AXL: variants seen among roughly 807,000 people sequenced by gnomAD.
The protein encoded by AXL is tyrosine-protein kinase receptor UFO.
In AXL, 52 loss-of-function variants were observed where a neutral mutation model predicts 104.5. The ratio of observed to expected loss-of-function variants is 0.50; its 90% CI spans 0.40 to 0.63. The LOEUF (loss-of-function observed/expected upper bound fraction) is 0.63. AXL is among the 20% of genes least tolerant of loss of function. The pLI is 0.00. For missense variants in AXL, 1,024 were observed against 1,188.5 expected (o/e 0.86, Z 2.04); for synonymous variants, 455 against 473.7 (o/e 0.96, Z 0.51).
intron 14 of AXL, among the ~76,000 whole-genome samples, chr19:41,249,870 C>A (rs943480057): frequency 6.6e-6 from 1 of 152,156 alleles, no homozygotes; most frequent in East Asian, 1.9e-4. Context: ...TTTCTCCCCG[C>A]TACCTGCCAG....
chr19:41,254,514 C>T (rs879281320), intron 17 of AXL, among the ~76,000 whole-genome samples: 1 of 150,220 alleles, frequency 6.7e-6, no homozygotes, highest in Non-Finnish European at 1.5e-5. Context: ...CAACGAGACA[C>T]CATCTCAAAA....
At chr19:41,228,074 C>A (rs1190290205) in intron 4 of AXL, among the ~76,000 whole-genome samples, 1 of 152,008 alleles carries the variant, frequency 6.6e-6, no homozygotes, top group Non-Finnish European at 1.5e-5. Flanking sequence ...AAAAGTGAAA[C>A]CTCGGATAAA....
intron 4 of AXL, among the ~76,000 whole-genome samples, chr19:41,230,053 A>G (rs1226239024): frequency 6.6e-6 from 1 of 151,268 alleles, no homozygotes; most frequent in African/African-American, 2.4e-5. Context: ...GAGCACGTGT[A>G]TTTCTGTGTG....
intron 10 of AXL, among the ~76,000 whole-genome samples, chr19:41,240,067 A>G (rs2034155068): frequency 6.6e-6 from 1 of 151,344 alleles, no homozygotes; most frequent in Non-Finnish European, 1.5e-5. Flanking sequence ...GGATAAATGG[A>G]TGGGTAGATG....
In AXL at chr19:41,243,112, T is replaced by C. The variant is rs1319629086; in HGVS notation, c.1445+97T>C. ...AGGCTGGTGCAGGAGGAGTGATGACTAAGAATCAGAATGAGGGCAAGGGAA... is the reference window on the plus strand; with the variant it reads ...AGGCTGGTGCAGGAGGAGTGATGACCAAGAATCAGAATGAGGGCAAGGGAA... On this transcript the variant is annotated intron_variant, in intron 11 of 19. Transcript: ENST00000301178. The C allele has an allele frequency of 2.6e-6, 4 of 1,553,204 alleles. No individual in the cohort carries two copies. The African/African-American group carries it at 5.4e-5, about 21-fold the overall frequency.
chr19:41,226,919 C>A, intron 4 of AXL: 1 of 445,800 alleles, frequency 2.2e-6, no homozygotes, highest in Non-Finnish European at 3.0e-6. Flanking sequence ...CGTGGTGAGA[C>A]TCTCCTCTTC....
At position 41,256,443 on chromosome 19, in the gene AXL, T is replaced by A. The variant is rs770299165; in HGVS notation, c.2037-9T>A. 28 of 1,608,770 alleles carry A rather than the reference T, an allele frequency of 1.7e-5. No homozygotes were observed. Among genetic ancestry groups the A allele is most frequent in the Non-Finnish European group, 2.2e-5 (26 of 1,175,640 alleles). ...GCCCTGACCCTGTTCCTTTCCCCAA[T>A]CCAAACAGGCTGAATGAGAACATGT... On this transcript the variant is annotated splice_polypyrimidine_tract_variant and intron_variant, in intron 17 of 19. Coordinates refer to ENST00000301178, the MANE Select transcript of AXL (RefSeq NM_021913.5).
intron 18 of AXL, among the ~76,000 whole-genome samples, 156 bp from the exon 19 acceptor site, chr19:41,257,337 C>T (rs1336313338): frequency 1.3e-5 from 2 of 152,202 alleles, no homozygotes; most frequent in African/African-American, 4.8e-5. Context: ...AGCCACCGCA[C>T]CCGGCTAAAG....
rs185069675 is a variant in AXL, at chr19:41,233,280, G to A, written c.783+1982G>A. On this transcript the variant is annotated intron_variant, in intron 6 of 19. Coordinates refer to ENST00000301178, the MANE Select transcript of AXL (RefSeq NM_021913.5). ...GCTGGGATTACAGGCGTGAGGCACC[G>A]CGCTGGGCCCTGAGAAAATGTTTAG... 2.0e-3 allele frequency among the ~76,000 whole-genome samples: 304 copies of A among 151,880 alleles called. 2 individuals are homozygous for A. The highest frequency in any genetic ancestry group is 7.0e-3 in the African/African-American group (291 of 41,466).
chr19:41,252,276 G>A (rs1452948321), intron 14 of AXL, 75 bp from the exon 15 acceptor site: 14 of 1,163,674 alleles, frequency 1.2e-5, no homozygotes, highest in Non-Finnish European at 1.5e-5. Flanking sequence ...TGATGATGAT[G>A]ATGATGGAGT....
At chr19:41,230,294 G>C (rs749725599) in intron 4 of AXL, among the ~76,000 whole-genome samples, 1 of 150,458 alleles carries the variant, frequency 6.6e-6, no homozygotes, top group Non-Finnish European at 1.5e-5. Context: ...GTGTGTATGA[G>C]TATGTATCTC....
chr19:41,256,339 C>A, intron 17 of AXL, 113 bp from the exon 18 acceptor site: 1 of 1,297,506 alleles, frequency 7.7e-7, no homozygotes, highest in Non-Finnish European at 1.1e-6. Flanking sequence ...CAGATCCCCA[C>A]CCGCAGCCAG....
chr19:41,223,969 G>GGTGTGT (rs10553535), intron 4 of AXL, among the ~76,000 whole-genome samples: 4 of 149,690 alleles, frequency 2.7e-5, no homozygotes, highest in African/African-American at 4.9e-5. Context: ...TCCCATGTGT[G>GGTGTGT]GTGTGTGTGT....
chr19:41,231,101 G>T, intron 5 of AXL, 54 bp downstream of exon 5: 1 of 1,611,618 alleles, frequency 6.2e-7, no homozygotes, highest in Admixed American at 1.7e-5. Flanking sequence ...GTTTGGGTCC[G>T]GGGTCAGAGT....
intron 6 of AXL, 79 bp from the exon 7 acceptor site, chr19:41,237,865 A>G: frequency 7.3e-7 from 1 of 1,377,268 alleles, no homozygotes; most frequent in East Asian, 2.3e-5. Context: ...GTCACACCAG[A>G]CCACCACCAC....
chr19:41,233,708 C>CCT (rs2034033319), intron 6 of AXL, among the ~76,000 whole-genome samples: 2 of 147,728 alleles, frequency 1.4e-5, no homozygotes, highest in South Asian at 2.1e-4. Context: ...AGAGGGGCCC[C>CCT]CTCTCTGGGC....
At chr19:41,243,744 T>C in intron 12 of AXL, 37 bp downstream of exon 12, 1 of 1,572,976 alleles carries the variant, frequency 6.4e-7, no homozygotes, top group Non-Finnish European at 8.8e-7. Flanking sequence ...CTGGCCTGGA[T>C]CTAAAGGCTG....
At chr19:41,239,837 C>T (rs1225114525) in intron 10 of AXL, 117 bp downstream of exon 10, 1 of 1,428,456 alleles carries the variant, frequency 7.0e-7, no homozygotes, top group East Asian at 2.3e-5. Flanking sequence ...ATCACTCTAA[C>T]CTACTTCTTG....
chr19:41,256,004 C>T (rs1025708270), intron 17 of AXL, among the ~76,000 whole-genome samples: 3 of 152,144 alleles, frequency 2.0e-5, no homozygotes, highest in Non-Finnish European at 4.4e-5. Context: ...CTTGGCCTCC[C>T]AGAGTGCTGG....
Sources: allele counts gnomAD v4.1 joint callset (sites outside exome capture counted in the v4.1 genomes callset), GRCh38; gene constraint gnomAD v4.1.1; transcripts MANE v1.5; gene names NCBI Gene and HGNC (gene_info 2026-07-23, HGNC 2026-07-21).